IQGAP2: variants seen among roughly 807,000 people sequenced by gnomAD.
IQGAP2 encodes the protein IQ motif containing GTPase activating protein 2.
In IQGAP2, 173 loss-of-function variants were observed where a neutral mutation model predicts 201.3. The observed-to-expected ratio is 0.86, with a 90% confidence interval of 0.76 to 0.98. The LOEUF (loss-of-function observed/expected upper bound fraction) is 0.98, where lower values mean the gene tolerates loss of function less well. IQGAP2 is among the 50% of genes least tolerant of loss of function. The pLI is 0.00. For synonymous variants in IQGAP2, 675 were observed against 673.9 expected, an observed-to-expected ratio of 1.00 and a Z score of -0.03; for missense variants, 1,687 against 1,864.8, an observed-to-expected ratio of 0.90 and a Z score of 1.76.
intron 2 of IQGAP2, among the ~76,000 whole-genome samples, chr5:76,550,053 A>G (rs964477977): frequency 3.7e-4 from 56 of 152,164 alleles, no homozygotes; most frequent in Admixed American, 3.5e-3. Flanking sequence ...TCTAAATATC[A>G]TCTACATCAA....
intron 23 of IQGAP2, among the ~76,000 whole-genome samples, chr5:76,670,229 A>G (rs970892558): frequency 3.2e-4 from 48 of 152,304 alleles, no homozygotes; most frequent in African/African-American, 1.2e-3. Context: ...ATAAACAAAA[A>G]GGCCGGGCAC....
At chr5:76,480,515 C>T (rs1386945086) in intron 2 of IQGAP2, among the ~76,000 whole-genome samples, 1 of 152,134 alleles carries the variant, frequency 6.6e-6, no homozygotes, top group Non-Finnish European at 1.5e-5. Flanking sequence ...TTCTGAACGC[C>T]CCTAGCACTT....
At chr5:76,419,544 G>A (rs1239236599) in intron 1 of IQGAP2, among the ~76,000 whole-genome samples, 1 of 152,030 alleles carries the variant, frequency 6.6e-6, no homozygotes, top group Admixed American at 6.6e-5. Context: ...CACCACGTTG[G>A]CCAGGCTGGT....
At position 76,698,016 on chromosome 5, in the gene IQGAP2, G is replaced by A. The variant is rs778859543; in HGVS notation, c.4236G>A (p.Lys1412=). 1 of 1,613,062 alleles carries A rather than the reference G, an allele frequency of 6.2e-7. No individual in the cohort carries two copies. The highest frequency in any genetic ancestry group is 8.5e-7 in the Non-Finnish European group (1 of 1,179,504). ...TTCGAAATCAAAGAATCTATCGTAA[G>A]CTTCGAAAAGCTGAATTGGCAAAAC... is the stretch of plus-strand genomic sequence containing the variant. ...KDIRNQRIYR[K]LRKAELAKLQ... The change falls in exon 33 of 36, where the codon AAG becomes AAA. Residue 1412 remains lysine, a synonymous_variant. Transcript: ENST00000274364.
At chr5:76,411,466 T>A (rs534184427) in intron 1 of IQGAP2, among the ~76,000 whole-genome samples, 1 of 152,344 alleles carries the variant, frequency 6.6e-6, no homozygotes, top group Admixed American at 6.5e-5. Context: ...AGTTCGTGTG[T>A]TGGAACGTAG....
At chr5:76,462,323 A>G (rs1754506782) in intron 2 of IQGAP2, among the ~76,000 whole-genome samples, 1 of 152,232 alleles carries the variant, frequency 6.6e-6, no homozygotes, top group Admixed American at 6.5e-5. Flanking sequence ...AAGTAGGTTT[A>G]TGACAGCAAT....
chr5:76,535,025 A>C (rs1759536652), intron 2 of IQGAP2, among the ~76,000 whole-genome samples: 1 of 152,206 alleles, frequency 6.6e-6, no homozygotes, highest in South Asian at 2.1e-4. Context: ...TAGAAGCAGA[A>C]AGAAGGCTGG....
intron 5 of IQGAP2, among the ~76,000 whole-genome samples, chr5:76,581,802 A>G (rs1230837200): frequency 6.6e-6 from 1 of 152,186 alleles, no homozygotes; most frequent in Admixed American, 6.5e-5. Context: ...TGGCAGTGAT[A>G]TATGTGACTA....
chr5:76,511,830 G>T (rs943382454), intron 2 of IQGAP2, among the ~76,000 whole-genome samples: 1 of 151,942 alleles, frequency 6.6e-6, no homozygotes, highest in Non-Finnish European at 1.5e-5. Context: ...ACAGGCGCCC[G>T]CCACTACGCC....
chr5:76,672,885 T>A (rs1744469816), intron 24 of IQGAP2, among the ~76,000 whole-genome samples: 1 of 130,870 alleles, frequency 7.6e-6, no homozygotes, highest in Non-Finnish European at 1.6e-5. Context: ...AAGGGGAACA[T>A]CACACTCTGG....
chr5:76,599,204 C>T (rs77491266), intron 10 of IQGAP2, among the ~76,000 whole-genome samples: 6,248 of 152,070 alleles, frequency 0.041, 407 homozygotes, highest in African/African-American at 0.14. Context: ...CAACATAGGC[C>T]TCATCTTTAC....
chr5:76,450,015 A>G (rs974694371), intron 1 of IQGAP2, among the ~76,000 whole-genome samples: 2 of 152,184 alleles, frequency 1.3e-5, no homozygotes, highest in Admixed American at 6.5e-5. Context: ...TGTCTGTTGT[A>G]TGTTTATAAG....
In IQGAP2 at chr5:76,522,708, T is replaced by C. The variant is rs1379391047; in HGVS notation, c.147-39688T>C. Among the ~76,000 whole-genome samples, 3 of 152,198 alleles carry C rather than the reference T, an allele frequency of 2.0e-5. No homozygotes were observed. The East Asian group carries it at 5.8e-4, about 29-fold the overall frequency. ...CCATTGACTAAAAGCTTTACTCCTA[T>C]GTACCTTGATAGAGCAGAGATAGTA... On this transcript the variant is annotated intron_variant, in intron 2 of 35. Transcript: ENST00000274364.
chr5:76,663,578 A>G (rs1743462656), intron 21 of IQGAP2, among the ~76,000 whole-genome samples: 1 of 152,222 alleles, frequency 6.6e-6, no homozygotes, highest in African/African-American at 2.4e-5. Flanking sequence ...ATCAGCATGT[A>G]CCATTAGTGA....
chr5:76,534,991 A>T (rs1561444624), intron 2 of IQGAP2, among the ~76,000 whole-genome samples: 1 of 152,156 alleles, frequency 6.6e-6, no homozygotes, highest in South Asian at 2.1e-4. Flanking sequence ...TGCCAAGGCT[A>T]TGAAGTTGGA....
chr5:76,528,461 A>C lies in IQGAP2; in HGVS notation c.147-33935A>C, dbSNP rs542659038. 2.6e-5 allele frequency among the ~76,000 whole-genome samples: 4 copies of C among 152,326 alleles called. No homozygotes were observed. In the East Asian group the frequency reaches 7.7e-4, roughly 29 times the overall value. The stretch of plus-strand genomic sequence containing the variant: ...AAGGTGTCATGAGTTAGATATTTCA[A>C]ATAGGAGGAGATGGACCCTTGATGG... On this transcript the variant is annotated intron_variant, in intron 2 of 35. Coordinates refer to ENST00000274364, the MANE Select transcript of IQGAP2 (RefSeq NM_006633.5).
intron 2 of IQGAP2, among the ~76,000 whole-genome samples, chr5:76,501,671 T>G (rs1271666168): frequency 9.5e-6 from 1 of 105,706 alleles, no homozygotes; most frequent in Non-Finnish European, 2.0e-5. Flanking sequence ...TGAGACAGTT[T>G]CACTCTTGTC....
intron 12 of IQGAP2, among the ~76,000 whole-genome samples, chr5:76,610,410 T>G (rs1166662310): frequency 1.3e-5 from 2 of 151,644 alleles, no homozygotes; most frequent in Non-Finnish European, 2.9e-5. Flanking sequence ...CTAGGATGGC[T>G]GTAATGAAAA....
At chr5:76,414,490 T>C (rs924529465) in intron 1 of IQGAP2, among the ~76,000 whole-genome samples, 1 of 152,190 alleles carries the variant, frequency 6.6e-6, no homozygotes, top group African/African-American at 2.4e-5. Context: ...TAATGAGTTT[T>C]ATTTTCCAAA....
Sources: gnomAD v4.1 joint callset for allele counts (sites outside exome capture counted in the v4.1 genomes callset) on GRCh38, gnomAD v4.1.1 for gene constraint, MANE v1.5 for transcripts, NCBI Gene and HGNC (gene_info 2026-07-23, HGNC 2026-07-21) for gene names.